Variants in CD44 observed in about 807,000 individuals in gnomAD.
The protein encoded by CD44 is CD44 molecule (IN blood group), also known as CD44 antigen.
CD44 carries 49 observed loss-of-function variants against 88.8 expected under a neutral mutation model. That is an observed-to-expected ratio of 0.55 (90% CI 0.44 to 0.70). The LOEUF (loss-of-function observed/expected upper bound fraction) is 0.70. Ranked by LOEUF, CD44 falls within the 30% of genes least tolerant of loss-of-function variation. The pLI is 0.00. For synonymous variants in CD44, 325 were observed against 312.3 expected, an observed-to-expected ratio of 1.04 and a Z score of -0.43; for missense variants, 883 against 913.8, an observed-to-expected ratio of 0.97 and a Z score of 0.43.
chr11:35,184,422 C>T (rs2133808137), intron 3 of CD44, among the ~76,000 whole-genome samples: 1 of 152,240 alleles, frequency 6.6e-6, no homozygotes, highest in Admixed American at 6.5e-5. Context: ...TCATCCCTGG[C>T]ATCAAGAAGC....
intron 16 of CD44, among the ~76,000 whole-genome samples, chr11:35,219,877 C>A (rs1476790013): frequency 6.6e-6 from 1 of 151,748 alleles, no homozygotes; most frequent in East Asian, 1.9e-4. Flanking sequence ...TTTTTTTGGT[C>A]GAGGGACCGC....
rs376899837 is a variant in CD44 at position 35,180,260 on chromosome 11, T to G, written c.234-14T>G. 1.1e-5 allele frequency: 18 copies of G among 1,613,650 alleles called. No homozygotes were observed. The African/African-American group carries it at 2.4e-4, about 22-fold the overall frequency. ...AGCCATTTAGGTCAATATCCTGTTG[T>G]TTTTCTCTTACAGGTATGGGTTCAT... On this transcript the variant is annotated splice_polypyrimidine_tract_variant and intron_variant, in intron 2 of 17. Coordinates refer to ENST00000428726, the MANE Select transcript of CD44 (RefSeq NM_000610.4).
chr11:35,193,588 A>G (rs79576301), intron 5 of CD44, among the ~76,000 whole-genome samples: 2,758 of 152,336 alleles, frequency 0.018, 35 homozygotes, highest in Non-Finnish European at 0.028. Flanking sequence ...TATATAATTT[A>G]AAGTGGCTTT....
intron 6 of CD44, chr11:35,197,224 G>A: frequency 1.2e-5 from 2 of 170,834 alleles, no homozygotes; most frequent in South Asian, 1.7e-4. Flanking sequence ...ACTTTCATGA[G>A]GAAATAGCAT....
intron 1 of CD44, among the ~76,000 whole-genome samples, chr11:35,175,383 T>C (rs1047478983): frequency 2.0e-5 from 3 of 152,204 alleles, no homozygotes; most frequent in Admixed American, 6.5e-5. Flanking sequence ...AGTGGAAAAA[T>C]GACTCTTAAA....
Position 35,219,235 on chromosome 11 carries a change from G to A in CD44, c.1874-81G>A, listed in dbSNP as rs967095765. 17 of 991,240 alleles carry A rather than the reference G, an allele frequency of 1.7e-5. No individual in the cohort carries two copies. The African/African-American group carries it at 2.2e-4, about 13-fold the overall frequency. The allele number at this position is 991,240 out of a possible 1,614,324, so 61.4% of individuals were successfully genotyped here. ...TTCTCAGTGATTCAGAATGTGGAGA[G>A]CTGCCCTTTATGCAGCTCCACAAGG... is the stretch of plus-strand genomic sequence containing the variant. On this transcript the variant is annotated intron_variant, in intron 15 of 17. Coordinates refer to ENST00000428726, the MANE Select transcript of CD44 (RefSeq NM_000610.4).
chr11:35,228,026 A>T (rs190034813), intron 17 of CD44, among the ~76,000 whole-genome samples: 2 of 152,328 alleles, frequency 1.3e-5, no homozygotes, highest in East Asian at 3.9e-4. Flanking sequence ...TCAGGAGGTA[A>T]TCTGCTTCCC....
intron 5 of CD44, among the ~76,000 whole-genome samples, chr11:35,191,690 A>G (rs1315148866): frequency 6.6e-6 from 1 of 152,226 alleles, no homozygotes; most frequent in Non-Finnish European, 1.5e-5. Flanking sequence ...CTGATAAAAC[A>G]TAACTTGGGA....
intron 5 of CD44, among the ~76,000 whole-genome samples, chr11:35,193,809 T>C (rs980217289): frequency 2.6e-5 from 4 of 152,210 alleles, no homozygotes; most frequent in African/African-American, 4.8e-5. Flanking sequence ...GAAACACATA[T>C]TGAATTAGAA....
intron 1 of CD44, among the ~76,000 whole-genome samples, chr11:35,142,223 C>T (rs1858126488): frequency 6.6e-6 from 1 of 151,750 alleles, no homozygotes; most frequent in Admixed American, 6.6e-5. Context: ...TAGGGTTCAA[C>T]CATTGTGGAA....
chr11:35,211,519 AGG>A, intron 14 of CD44, 70 bp downstream of exon 14: 1 of 1,176,930 alleles, frequency 8.5e-7, no homozygotes, highest in Non-Finnish European at 1.3e-6. Flanking sequence ...CATATTACAG[AGG>A]ACATTTTCTG....
chr11:35,196,740 C>T lies in CD44; in HGVS notation c.668-6C>T, dbSNP rs1185039502. ...TCAACAATCAATTCAATCATGATTA[C>T]AACAGCTTTGATGAGCACTAGTGCT... On this transcript the variant is annotated splice_region_variant and splice_polypyrimidine_tract_variant and intron_variant, in intron 5 of 17. Coordinates refer to ENST00000428726, the MANE Select transcript of CD44 (RefSeq NM_000610.4). 1 of 1,613,376 alleles carries T rather than the reference C, an allele frequency of 6.2e-7. No homozygotes were observed. The highest frequency in any genetic ancestry group is 8.5e-7 in the Non-Finnish European group (1 of 1,179,514).
At chr11:35,142,551 A>ACT (rs1217226704) in intron 1 of CD44, among the ~76,000 whole-genome samples, 1 of 151,274 alleles carries the variant, frequency 6.6e-6, no homozygotes, top group Non-Finnish European at 1.5e-5. Flanking sequence ...AGCATTAGAG[A>ACT]CTCCGCCCCC....
chr11:35,161,847 G>T (rs768373507), intron 1 of CD44, among the ~76,000 whole-genome samples: 34 of 152,082 alleles, frequency 2.2e-4, no homozygotes, highest in Non-Finnish European at 4.3e-4. Flanking sequence ...GAAGAGGAGT[G>T]TATTTCCTTT....
chr11:35,207,484 A>G (rs1218520195), intron 11 of CD44, among the ~76,000 whole-genome samples: 1 of 152,246 alleles, frequency 6.6e-6, no homozygotes, highest in Admixed American at 6.5e-5. Context: ...AAATTTCTGC[A>G]CTACTCAACA....
chr11:35,204,822 C>A, intron 10 of CD44, 182 bp downstream of exon 10: 1 of 560,604 alleles, frequency 1.8e-6, no homozygotes, highest in Non-Finnish European at 3.2e-6. Context: ...GTCACCTGAA[C>A]AGGAATGGAT....
At chr11:35,145,678 T>C (rs1221744649) in intron 1 of CD44, among the ~76,000 whole-genome samples, 1 of 152,194 alleles carries the variant, frequency 6.6e-6, no homozygotes, top group Non-Finnish European at 1.5e-5. Context: ...TTGGAGATAC[T>C]GATACGAGGT....
At chr11:35,176,263 C>T (rs564984395) in intron 1 of CD44, among the ~76,000 whole-genome samples, 54 of 151,954 alleles carry the variant, frequency 3.6e-4, no homozygotes, top group African/African-American at 1.3e-3. Flanking sequence ...AGGATGGTCT[C>T]GATCTCCTGA....
chr11:35,206,669 T>TTGGGGG (rs1947885112), intron 11 of CD44, among the ~76,000 whole-genome samples: 2 of 146,070 alleles, frequency 1.4e-5, no homozygotes, highest in Non-Finnish European at 3.0e-5. Flanking sequence ...TGGGGGTTGG[T>TTGGGGG]GGGGGGGGCA....
Sources: allele counts gnomAD v4.1 joint callset (sites outside exome capture counted in the v4.1 genomes callset), GRCh38; gene constraint gnomAD v4.1.1; transcripts MANE v1.5; gene names NCBI Gene and HGNC (gene_info 2026-07-23, HGNC 2026-07-21).